ANLN: variants seen among roughly 807,000 people sequenced by gnomAD.
ANLN encodes the protein anillin.
A neutral mutation model predicts 135.1 loss-of-function variants in ANLN; 59 were observed. The ratio of observed to expected loss-of-function variants is 0.44; its 90% confidence interval spans 0.35 to 0.54. ANLN has a LOEUF of 0.54. Ranked by LOEUF, ANLN falls within the 20% of genes least tolerant of loss-of-function variation. ANLN has a pLI of 0.00. For missense variants in ANLN, 1,182 were observed against 1,340.0 expected, an observed-to-expected ratio of 0.88 and a Z score of 1.84; for synonymous variants, 406 against 456.4, an observed-to-expected ratio of 0.89 and a Z score of 1.41.
rs1485307007 is a variant in ANLN, at chr7:36,448,035, G to T, written c.3079-1630G>T. ...ACTTTTTTCTTTTCTTTTTTTTTGA[G>T]ACAGGGTCTCGCTCTGTTGCCCAGG... On this transcript the variant is annotated intron_variant, in intron 22 of 23. Coordinates refer to ENST00000265748, the MANE Select transcript of ANLN (RefSeq NM_018685.5). 3.3e-5 allele frequency among the ~76,000 whole-genome samples: 5 copies of T among 151,328 alleles called. No homozygotes were observed. In the East Asian group the frequency reaches 5.8e-4, roughly 18 times the overall value.
intron 3 of ANLN, among the ~76,000 whole-genome samples, chr7:36,403,791 A>T (rs1787069398): frequency 6.6e-6 from 1 of 152,016 alleles, no homozygotes; most frequent in African/African-American, 2.4e-5. Flanking sequence ...AGCTGGGACT[A>T]TAGGCGCATC....
At chr7:36,422,110 G>A in intron 13 of ANLN, 118 bp downstream of exon 13, 1 of 1,168,188 alleles carries the variant, frequency 8.6e-7, no homozygotes, top group Non-Finnish European at 1.2e-6. Context: ...TGTTCCAGTG[G>A]ATCTATTTTT....
At position 36,407,899 on chromosome 7, in the gene ANLN, G is replaced by A. The variant is rs779522694; in HGVS notation, c.1039G>A (p.Glu347Lys). 1.2e-6 allele frequency: 2 copies of A among 1,613,634 alleles called. No homozygotes were observed. The highest frequency in any genetic ancestry group is 1.7e-6 in the Non-Finnish European group (2 of 1,179,736). The change falls in exon 5 of 24, where the codon GAA (glutamate) becomes AAA (lysine). Residue 347 changes from glutamate to lysine, a missense_variant. Physicochemically the swap from Glu to Lys is moderately conservative, Grantham distance 56. Coordinates refer to ENST00000265748, the MANE Select transcript of ANLN (RefSeq NM_018685.5). ...ATCCCAGACAGTTCCATCCAAGGGA[G>A]AATTAAGTAGAGAAATTTGTCTGCA... ...TLSQTVPSKG[E>K]LSREICLQSQ...
At chr7:36,435,061 A>G (rs752877301) in intron 20 of ANLN, among the ~76,000 whole-genome samples, 43 of 152,170 alleles carry the variant, frequency 2.8e-4, no homozygotes, top group South Asian at 4.1e-4. Flanking sequence ...TATAATATAC[A>G]TATATCAAAA....
intron 23 of ANLN, among the ~76,000 whole-genome samples, chr7:36,450,497 G>A (rs1789198319): frequency 6.6e-6 from 1 of 152,120 alleles, no homozygotes; most frequent in Non-Finnish European, 1.5e-5. Flanking sequence ...GGGGAGATTG[G>A]TAGGACTAGC....
intron 12 of ANLN, among the ~76,000 whole-genome samples, chr7:36,421,327 C>T (rs1021623437): frequency 1.3e-5 from 2 of 151,920 alleles, no homozygotes; most frequent in African/African-American, 2.4e-5. Context: ...CTCAGCCTCC[C>T]AAAGTGCTAG....
At chr7:36,434,305 G>A (rs1191894323) in intron 20 of ANLN, among the ~76,000 whole-genome samples, 5 of 152,172 alleles carry the variant, frequency 3.3e-5, no homozygotes, top group Non-Finnish European at 5.9e-5. Flanking sequence ...AGTACTGCAC[G>A]TCTACAAGAT....
Position 36,423,943 on chromosome 7 carries a change from T to C in ANLN, c.2603T>C (p.Leu868Pro). The C allele has an allele frequency of 6.2e-7, 1 of 1,605,420 alleles. No homozygotes were observed. The highest frequency in any genetic ancestry group is 8.5e-7 in the Non-Finnish European group (1 of 1,176,224). Residue 868 changes from leucine to proline, a missense_variant and splice_region_variant, in exon 15 of 24, where the codon CTG (leucine) becomes CCG (proline). Around this residue, in one of 3 missense-constraint regions of ANLN, gnomAD observed 1,022 missense variants for 1,134.0 expected, o/e 0.90. Transcript: ENST00000265748. Reference sequence around the variant, plus strand: ...CTGACATTCACTACTACATTTACTCTGTAAGTAAATCAGGCTTTTGATGAT... The same window carrying C: ...CTGACATTCACTACTACATTTACTCCGTAAGTAAATCAGGCTTTTGATGAT... ...DALTFTTTFT[L>P]QDVSNDFEIN...
chr7:36,451,456 C>T (rs1789239604), intron 23 of ANLN, among the ~76,000 whole-genome samples: 1 of 152,202 alleles, frequency 6.6e-6, no homozygotes, highest in African/African-American at 2.4e-5. Flanking sequence ...CTTAACTTTG[C>T]TGGCCCTCTG....
At chr7:36,412,651 T>G (rs1421712625) in intron 7 of ANLN, among the ~76,000 whole-genome samples, 2 of 152,060 alleles carry the variant, frequency 1.3e-5, no homozygotes, top group Non-Finnish European at 1.5e-5. Flanking sequence ...AAAAGACGCA[T>G]ATTCATGTAT....
At position 36,411,087 on chromosome 7, in the gene ANLN, G is replaced by A. The variant is rs149506588; in HGVS notation, c.1316G>A (p.Arg439His). Residue 439 changes from arginine to histidine, a missense_variant, in exon 7 of 24, where the codon CGT becomes CAT. By Grantham distance (29) the Arg-to-His change is conservative. This residue lies in a region of ANLN where 1,022 missense variants were observed against 1,134.0 expected (regional missense o/e 0.90). Transcript: ENST00000265748. ...QERQKELACL[R>H]GRFDKGNIWS... ...CGTCAAAAAGAACTAGCATGTCTTC[G>A]TGGCCGATTTGACAAGGGCAATATA... 6 of 1,609,480 alleles carry A rather than the reference G, an allele frequency of 3.7e-6. No homozygotes were observed. The highest frequency in any genetic ancestry group is 2.2e-5 in the South Asian group (2 of 89,896).
intron 21 of ANLN, among the ~76,000 whole-genome samples, chr7:36,440,154 T>G (rs1788707680): frequency 6.6e-6 from 1 of 151,956 alleles, no homozygotes; most frequent in Non-Finnish European, 1.5e-5. Context: ...TTAGTAGAGG[T>G]AAAGATGTGG....
intron 22 of ANLN, among the ~76,000 whole-genome samples, chr7:36,446,545 T>C (rs1439514486): frequency 6.6e-6 from 1 of 152,164 alleles, no homozygotes; most frequent in Non-Finnish European, 1.5e-5. Context: ...AGCAGGTACA[T>C]CACATGGTAA....
At chr7:36,419,156 T>G (rs1787767613) in intron 9 of ANLN, 88 bp from the exon 10 acceptor site, 1 of 889,074 alleles carries the variant, frequency 1.1e-6, no homozygotes. Context: ...TCCTATTTAG[T>G]AAGAATATGA....
chr7:36,446,030 C>A (rs1466048907), intron 22 of ANLN, among the ~76,000 whole-genome samples: 18 of 152,060 alleles, frequency 1.2e-4, no homozygotes, highest in Non-Finnish European at 2.4e-4. Flanking sequence ...CTCGTATGAA[C>A]TGATTGTCTC....
chr7:36,452,552 T>A lies in ANLN; in HGVS notation c.3327T>A (p.Ile1109=). The change falls in exon 24 of 24, where the codon ATT becomes ATA. Residue 1109 remains isoleucine (I), a synonymous_variant. Transcript: ENST00000265748. ...AACTCAATCAAGTTCTTGTTGATAT[T>A]CGCCTCTGGCAACCTGATGCTTGCT... ...MQKLNQVLVD[I]RLWQPDACYK... is the part of the protein sequence containing the mutation. The A allele has an allele frequency of 1.2e-6, 2 of 1,614,106 alleles. No homozygotes were observed. The highest frequency in any genetic ancestry group is 1.7e-6 in the Non-Finnish European group (2 of 1,179,964).
rs765146749 is a variant in ANLN, at chr7:36,439,192, T to C, written c.2884-12T>C. 1 of 1,493,116 alleles carries C rather than the reference T, an allele frequency of 6.7e-7. No homozygotes were observed. Among genetic ancestry groups the C allele is most frequent in the South Asian group, 1.2e-5 (1 of 84,900 alleles). The allele number at this position is 1,493,116 out of a possible 1,614,324, so 92.5% of individuals were successfully genotyped here. On this transcript the variant is annotated splice_polypyrimidine_tract_variant and intron_variant, in intron 20 of 23. Coordinates refer to ENST00000265748, the MANE Select transcript of ANLN (RefSeq NM_018685.5). ...ACCTGTTTTGCAAATAATTTACCTG[T>C]TTTCTTTGCAGGTCCCCTTTTTATC...
At chr7:36,435,385 T>TG (rs112527351) in intron 20 of ANLN, among the ~76,000 whole-genome samples, 9,174 of 143,228 alleles carry the variant, frequency 0.064, 259 homozygotes, top group African/African-American at 0.078. Context: ...ATAGAGATGG[T>TG]GGGGGGGGGG....
chr7:36,439,273 G>A lies in ANLN; in HGVS notation c.2953G>A (p.Glu985Lys). 1 of 1,572,598 alleles carries A rather than the reference G, an allele frequency of 6.4e-7. No individual in the cohort carries two copies. The highest frequency in any genetic ancestry group is 8.7e-7 in the Non-Finnish European group (1 of 1,148,194). The change falls in exon 21 of 24, where the codon GAA becomes AAA. Residue 985 changes from glutamate to lysine, a missense_variant. Physicochemically the swap from Glu to Lys is moderately conservative, Grantham distance 56 (BLOSUM62 1). Transcript: ENST00000265748. ...KIKCQVNSSV[E>K]ERGFLTIFED... Reference sequence around the variant, plus strand: ...AAAATGTCAAGTGAATTCCAGTGTTGAAGAAAGAGGTTTTCTAGTAAGTAA... The same window carrying A: ...AAAATGTCAAGTGAATTCCAGTGTTAAAGAAAGAGGTTTTCTAGTAAGTAA...
Sources: gnomAD v4.1 joint callset for allele counts (sites outside exome capture counted in the v4.1 genomes callset) on GRCh38, gnomAD v4.1.1 for gene constraint, gnomAD v4.1.1 regional missense constraint, MANE v1.5 for transcripts, NCBI Gene and HGNC (gene_info 2026-07-23, HGNC 2026-07-21) for gene names.